Variants in RAB37 observed in about 807,000 individuals in gnomAD.
The protein encoded by RAB37 is ras-related protein Rab-37.
Under a neutral mutation model 33.1 loss-of-function variants are expected in RAB37, and 29 were observed. The ratio of observed to expected loss-of-function variants is 0.88; its 90% CI spans 0.65 to 1.20. RAB37 has a LOEUF of 1.20. Among genes scored for constraint, RAB37 ranks in the 50% most tolerant of loss-of-function variants. The pLI is 0.00. For missense variants in RAB37, 299 were observed against 301.1 expected (o/e 0.99, Z 0.05); for synonymous variants, 128 against 119.5 (o/e 1.07, Z -0.47).
rs1412021963 is a variant in RAB37, at chr17:74,738,323, G to C, written c.93+958G>C. On this transcript the variant is annotated intron_variant, in intron 1 of 8. Transcript: ENST00000392613. The surrounding 1 kb of genome is among the most constrained non-coding windows in gnomAD (Gnocchi z 5.0). ...CTCAGCCTCCACCCCAGTGTTTCGG[G>C]GGAAGCCACCCTGCAAGTCATCCGC... Among the ~76,000 whole-genome samples, 3 of 152,128 alleles carry C rather than the reference G, an allele frequency of 2.0e-5. No homozygotes were observed. The highest frequency in any genetic ancestry group is 4.4e-5 in the Non-Finnish European group (3 of 68,024).
chr17:74,695,130 T>A (rs2032304081), intron 1 of RAB37: 4 of 1,614,084 alleles, frequency 2.5e-6, no homozygotes, highest in Non-Finnish European at 3.4e-6. Context: ...TTCCGTGGGC[T>A]CCTCAGGGCC....
At chr17:74,693,424 G>A (rs535248225) in intron 1 of RAB37, among the ~76,000 whole-genome samples, 2 of 152,316 alleles carry the variant, frequency 1.3e-5, no homozygotes, top group East Asian at 3.9e-4. Context: ...AAGGCTATAA[G>A]CAGGGAGTAA....
chr17:74,691,247 G>T (rs1310317335), intron 1 of RAB37, among the ~76,000 whole-genome samples: 3 of 152,002 alleles, frequency 2.0e-5, no homozygotes, highest in Non-Finnish European at 2.9e-5. Flanking sequence ...TCAATCACCT[G>T]CCTTGGCCTC....
chr17:74,738,938 C>G lies in RAB37; in HGVS notation c.93+1573C>G, dbSNP rs2034544357. On this transcript the variant is annotated intron_variant, in intron 1 of 8. Coordinates refer to ENST00000392613, the MANE Select transcript of RAB37 (RefSeq NM_001006638.3). This position sits in a 1 kb window ranked among gnomAD's most constrained non-coding sequence, Gnocchi z 5.0. ...CCATTAACAGACTCTAGAAATACCT[C>G]AAAGACATTATCCCTCCTCCTTCTA... Among the ~76,000 whole-genome samples the G allele has an allele frequency of 1.3e-5, 2 of 152,198 alleles. No individual in the cohort carries two copies. The highest frequency in any genetic ancestry group is 1.3e-4 in the Admixed American group (2 of 15,288).
chr17:74,716,931 CAAGACCAGCCTG>C (rs1474889710), intron 1 of RAB37, among the ~76,000 whole-genome samples: 1 of 152,126 alleles, frequency 6.6e-6, no homozygotes, highest in African/African-American at 2.4e-5. Flanking sequence ...GTCAGGAGTT[CAAGACCAGCCTG>C]ACCAACATGG....
At chr17:74,703,330 G>A (rs1260047965) in intron 1 of RAB37, among the ~76,000 whole-genome samples, 1 of 152,162 alleles carries the variant, frequency 6.6e-6, no homozygotes, top group Non-Finnish European at 1.5e-5. Flanking sequence ...GGCAGGTGGG[G>A]CTGGGCAGGG....
chr17:74,696,908 G>T (rs989379936), intron 1 of RAB37, among the ~76,000 whole-genome samples: 2 of 71,026 alleles, frequency 2.8e-5, no homozygotes, highest in African/African-American at 2.8e-4. Flanking sequence ...GATTTTGTTT[G>T]GTTTGGTTTG....
intron 1 of RAB37, among the ~76,000 whole-genome samples, chr17:74,737,682 C>G (rs1361526885): frequency 6.6e-6 from 1 of 152,302 alleles, no homozygotes. Context: ...GCGCAACTCT[C>G]GGGGCTCAGG....
intron 1 of RAB37, among the ~76,000 whole-genome samples, chr17:74,722,239 T>C (rs964159855): frequency 2.0e-5 from 3 of 148,912 alleles, no homozygotes; most frequent in African/African-American, 7.5e-5. Context: ...GTCAAGATCG[T>C]GCCCCTGCAC....
intron 1 of RAB37, among the ~76,000 whole-genome samples, chr17:74,699,934 A>G (rs191407301): frequency 6.6e-5 from 10 of 152,130 alleles, no homozygotes; most frequent in Non-Finnish European, 1.5e-4. Context: ...TGAGGTCAGG[A>G]GTTCAAGACC....
At position 74,745,075 on chromosome 17, in the gene RAB37, C is replaced by CCT; in HGVS notation, c.558_559insTC (p.Ile187SerfsTer6). The CCT allele has an allele frequency of 4.3e-6, 7 of 1,614,140 alleles. No homozygotes were observed. Among genetic ancestry groups the CCT allele is most frequent in the Non-Finnish European group, 5.9e-6 (7 of 1,180,012 alleles). ...ATGAATGTGGAGTTAGCCTTTCTGGCCATCGCCAAGTGAGAGCTGGGCAGG... is the reference window on the plus strand; with the variant it reads ...ATGAATGTGGAGTTAGCCTTTCTGGCCTCATCGCCAAGTGAGAGCTGGGCAGG... On this transcript the variant is annotated frameshift_variant, in exon 8 of 9. Transcript: ENST00000392613. LOFTEE classifies it high-confidence loss of function. The surrounding 1 kb of genome is among the most constrained non-coding windows in gnomAD (Gnocchi z 4.5).
chr17:74,712,694 G>T (rs760040880), intron 1 of RAB37: 53 of 870,022 alleles, frequency 6.1e-5, no homozygotes, highest in Non-Finnish European at 9.4e-5. Context: ...GTGAATGGTG[G>T]GTATGTGGAT....
intron 1 of RAB37, among the ~76,000 whole-genome samples, chr17:74,697,274 G>A (rs565217061): frequency 1.2e-4 from 18 of 152,182 alleles, no homozygotes; most frequent in South Asian, 2.1e-4. Context: ...CACTGGGACC[G>A]ATTTTCAGGT....
At chr17:74,684,854 GAGATAGAT>G (rs59094915) in intron 1 of RAB37, among the ~76,000 whole-genome samples, 3,483 of 149,074 alleles carry the variant, frequency 0.023, 54 homozygotes, top group East Asian at 0.054. Context: ...ACATATGTGT[GAGATAGAT>G]AGATAGATAG....
intron 1 of RAB37, chr17:74,672,957 T>C (rs145944636): frequency 2.0e-5 from 3 of 152,374 alleles, no homozygotes; most frequent in South Asian, 2.1e-4. Flanking sequence ...AGTCCATGTG[T>C]CTTCTCCCTC....
Position 74,676,441 on chromosome 17 carries a change from A to C in RAB37, c.72+4783A>C, listed in dbSNP as rs2031835273. Among the ~76,000 whole-genome samples the C allele has an allele frequency of 6.6e-6, 1 of 152,122 alleles. No homozygotes were observed. The highest frequency in any genetic ancestry group is 1.5e-5 in the Non-Finnish European group (1 of 68,030). On this transcript the variant is annotated intron_variant, in intron 1 of 7. Coordinates refer to the RAB37 transcript ENST00000340415. This position sits in a 1 kb window ranked among gnomAD's most constrained non-coding sequence, Gnocchi z 4.1. ...GGTCTCTGTCTTCCAAAGTATGTCC[A>C]TTTCCTCCGACTGCTCTAACACCTC...
At chr17:74,679,369 C>T (rs1180074070) in intron 1 of RAB37, among the ~76,000 whole-genome samples, 1 of 152,076 alleles carries the variant, frequency 6.6e-6, no homozygotes, top group Admixed American at 6.6e-5. Context: ...CCTTTCAGCC[C>T]CTGGAGTCTC....
At chr17:74,715,686 C>T (rs1352436009) in intron 1 of RAB37, among the ~76,000 whole-genome samples, 2 of 152,138 alleles carry the variant, frequency 1.3e-5, no homozygotes, top group African/African-American at 4.8e-5. Flanking sequence ...TGATCGTGGC[C>T]TCTCCCAGAC....
chr17:74,684,880 GA>G (rs1777166165), intron 1 of RAB37, among the ~76,000 whole-genome samples: 1 of 151,958 alleles, frequency 6.6e-6, no homozygotes, highest in Non-Finnish European at 1.5e-5. Context: ...TAGATAGATA[GA>G]TAGATAGATA....
Sources: allele counts gnomAD v4.1 joint callset (sites outside exome capture counted in the v4.1 genomes callset), GRCh38; gene constraint gnomAD v4.1.1; non-coding constraint Gnocchi (gnomAD v3.1); transcripts MANE v1.5; gene names NCBI Gene and HGNC (gene_info 2026-07-23, HGNC 2026-07-21).